MYH10: variants seen among roughly 807,000 people sequenced by gnomAD.
MYH10 encodes myosin heavy chain 10.
A neutral mutation model predicts 257.8 loss-of-function variants in MYH10; 55 were observed. The observed-to-expected ratio is 0.21, with a 90% confidence interval of 0.17 to 0.27. The LOEUF is 0.27. Ranked by LOEUF, MYH10 falls within the 10% of genes least tolerant of loss-of-function variation. The pLI is 1.00. For missense variants in MYH10, 1,631 were observed against 2,500.6 expected (o/e 0.65, Z 7.42); for synonymous variants, 854 against 921.7 (o/e 0.93, Z 1.33).
chr17:8,582,192 G>A (rs1345806651), intron 4 of MYH10, among the ~76,000 whole-genome samples: 1 of 152,114 alleles, frequency 6.6e-6, no homozygotes, highest in East Asian at 1.9e-4. Context: ...AATGAGAAAT[G>A]GCACATCTGT....
At chr17:8,576,312 A>T (rs1035559410) in intron 6 of MYH10, among the ~76,000 whole-genome samples, 2 of 152,194 alleles carry the variant, frequency 1.3e-5, no homozygotes, top group African/African-American at 4.8e-5. Context: ...GCACAAAGCT[A>T]GGTTTCCATG....
In MYH10 at chr17:8,543,218, A is replaced by T. The variant is rs138793491; in HGVS notation, c.1432-938T>A. Among the ~76,000 whole-genome samples, 177 of 152,288 alleles carry T rather than the reference A, an allele frequency of 1.2e-3. 2 individuals are homozygous for T. The East Asian group carries it at 0.032, about 28-fold the overall frequency. On this transcript the variant is annotated intron_variant, in intron 13 of 42. Coordinates refer to ENST00000360416, the MANE Select transcript of MYH10 (RefSeq NM_001256012.3). ...AAGAGGATTTAACCCATCTCCAAGGAGTTGATTTACAGTCTGAAAAAGCCA... is the reference window on the plus strand; with the variant it reads ...AAGAGGATTTAACCCATCTCCAAGGTGTTGATTTACAGTCTGAAAAAGCCA...
chr17:8,580,991 C>G (rs137870937), intron 4 of MYH10, among the ~76,000 whole-genome samples: 47 of 152,264 alleles, frequency 3.1e-4, no homozygotes, highest in African/African-American at 1.1e-3. Context: ...TGAGCAAGAA[C>G]TGGCAAGTGA....
intron 40 of MYH10, 147 bp downstream of exon 40, chr17:8,479,963 C>G: frequency 1.4e-6 from 1 of 722,774 alleles, no homozygotes; most frequent in Non-Finnish European, 2.3e-6. Flanking sequence ...TCTTCTCTCA[C>G]AGCTCACACC....
chr17:8,547,115 G>A (rs148521001), intron 11 of MYH10, among the ~76,000 whole-genome samples: 100 of 152,200 alleles, frequency 6.6e-4, no homozygotes, highest in African/African-American at 2.3e-3. Flanking sequence ...GACAACCGAC[G>A]GGCATAGCAC....
chr17:8,612,854 C>CAAAA (rs540861293), intron 2 of MYH10, among the ~76,000 whole-genome samples: 2 of 113,336 alleles, frequency 1.8e-5, no homozygotes, highest in Non-Finnish European at 3.8e-5. Context: ...TGTTCTGTCT[C>CAAAA]AAAAAAAAAA....
rs142853658 is a variant in MYH10 at position 8,508,152 on chromosome 17, C to T, written c.3214+402G>A. Among the ~76,000 whole-genome samples, 35 of 152,266 alleles carry T rather than the reference C, an allele frequency of 2.3e-4. No individual in the cohort carries two copies. The East Asian group carries it at 6.8e-3, about 29-fold the overall frequency. ...GAGCTCCTGGGCACAAGCAATTCTG[C>T]TGCCTCTGTCACCCCACGATCACAG... On this transcript the variant is annotated intron_variant, in intron 26 of 42. Transcript: ENST00000360416.
intron 4 of MYH10, among the ~76,000 whole-genome samples, chr17:8,582,450 A>T (rs2083743673): frequency 6.6e-6 from 1 of 152,228 alleles, no homozygotes; most frequent in South Asian, 2.1e-4. Flanking sequence ...TGCTGGTCTA[A>T]GACAGGACTA....
At chr17:8,476,408 C>G (rs1912616599) in intron 42 of MYH10, among the ~76,000 whole-genome samples, 1 of 152,206 alleles carries the variant, frequency 6.6e-6, no homozygotes, top group African/African-American at 2.4e-5. Flanking sequence ...GCCAGATGTG[C>G]TGAAACCTCC....
chr17:8,506,235 T>C lies in MYH10; in HGVS notation c.3386+83A>G, dbSNP rs2081070458. 1 of 1,407,790 alleles carries C rather than the reference T, an allele frequency of 7.1e-7. No homozygotes were observed. Among genetic ancestry groups the C allele is most frequent in the Admixed American group, 2.7e-5 (1 of 37,170 alleles). 87.2% of individuals were successfully genotyped at this position (1,407,790 alleles called of 1,614,324 possible). On this transcript the variant is annotated intron_variant, in intron 27 of 42. Transcript: ENST00000360416. The surrounding 1 kb of genome is among the most constrained non-coding windows in gnomAD (Gnocchi z 5.0). The stretch of plus-strand genomic sequence containing the variant: ...AAACCCCATCTCACTCTCCCAGGGT[T>C]TTTGAATGCTCCCGAACATAACAAA...
At chr17:8,518,028 G>A (rs966526136) in intron 21 of MYH10, among the ~76,000 whole-genome samples, 1 of 48,708 alleles carries the variant, frequency 2.1e-5, no homozygotes, top group Admixed American at 2.8e-4. Flanking sequence ...TTGGCCCCGT[G>A]TGTGTGTGTG....
rs2084742509 is a variant in MYH10 at position 8,604,951 on chromosome 17, T to G, written c.377A>C (p.Asn126Thr). ...TYSGLFCVVI[N>T]PYKNLPIYSE... ...GTAAATTGGAAGATTCTTGTAAGGG[T>G]TTATAACTACACAGAAGAGTCCAGA... The change falls in exon 3 of 43, where the codon AAC becomes ACC. Residue 126 changes from asparagine (N) to threonine (T), a missense_variant. By Grantham distance (65) the Asn-to-Thr change is moderately conservative. Around this residue, in one of 11 missense-constraint regions of MYH10, gnomAD observed 360 missense variants for 581.9 expected, o/e 0.62. Coordinates refer to ENST00000360416, the MANE Select transcript of MYH10 (RefSeq NM_001256012.3). 6.4e-7 allele frequency: 1 copy of G among 1,560,546 alleles called. No individual in the cohort carries two copies. Among genetic ancestry groups the G allele is most frequent in the African/African-American group, 1.4e-5 (1 of 73,562 alleles).
At chr17:8,561,072 C>G (rs1485074525) in intron 7 of MYH10, 1 of 590,386 alleles carries the variant, frequency 1.7e-6, no homozygotes, top group Non-Finnish European at 3.0e-6. Context: ...TTTGTGGTCT[C>G]ACTGCAGTTC....
chr17:8,589,069 A>C lies in MYH10; in HGVS notation c.530+12T>G. 11 of 1,613,252 alleles carry C rather than the reference A, an allele frequency of 6.8e-6. No homozygotes were observed. Among genetic ancestry groups the C allele is most frequent in the Non-Finnish European group, 9.3e-6 (11 of 1,179,494 alleles). On this transcript the variant is annotated intron_variant, in intron 4 of 42. Coordinates refer to ENST00000360416, the MANE Select transcript of MYH10 (RefSeq NM_001256012.3). ...AATCAAAAACAAATCTGAACATTCA[A>C]CATTTACTTACGTGCAAAGAATTGA... is the stretch of plus-strand genomic sequence containing the variant.
At chr17:8,622,854 T>C in intron 2 of MYH10, 48 bp downstream of exon 2, 3 of 1,579,164 alleles carry the variant, frequency 1.9e-6, no homozygotes, top group Non-Finnish European at 1.7e-6. Context: ...ATAATTTACA[T>C]TAATTCCTAG....
At chr17:8,508,785 G>GA in intron 25 of MYH10, 108 bp from the exon 26 acceptor site, 1 of 1,314,996 alleles carries the variant, frequency 7.6e-7, no homozygotes, top group Non-Finnish European at 1.1e-6. Context: ...AAGTTCTATC[G>GA]GCACTGCCTC....
chr17:8,579,547 T>C (rs2152025980), intron 4 of MYH10, among the ~76,000 whole-genome samples: 1 of 152,308 alleles, frequency 6.6e-6, no homozygotes, highest in East Asian at 1.9e-4. Flanking sequence ...CAATTCTAGA[T>C]ATAACCCACT....
Position 8,506,570 on chromosome 17 carries a change from G to T in MYH10, c.3215-81C>A. On this transcript the variant is annotated intron_variant, in intron 26 of 42. Coordinates refer to ENST00000360416, the MANE Select transcript of MYH10 (RefSeq NM_001256012.3). The surrounding 1 kb of genome is among the most constrained non-coding windows in gnomAD (Gnocchi z 5.0). ...TAAACTAAAATACAGACTGATCCAA[G>T]TTGAAAATAAGCCATTTTATTCAAA... is the stretch of plus-strand genomic sequence containing the variant. 1 of 1,449,294 alleles carries T rather than the reference G, an allele frequency of 6.9e-7. No individual in the cohort carries two copies. Among genetic ancestry groups the T allele is most frequent in the Non-Finnish European group, 9.4e-7 (1 of 1,064,182 alleles). The allele number at this position is 1,449,294 out of a possible 1,614,324, so 89.8% of individuals were successfully genotyped here.
At chr17:8,482,998 T>C (rs1914110276) in intron 37 of MYH10, among the ~76,000 whole-genome samples, 1 of 152,256 alleles carries the variant, frequency 6.6e-6, no homozygotes, top group African/African-American at 2.4e-5. Context: ...TAACGTGTTC[T>C]AGGTCCCAGA....
Sources: gnomAD v4.1 joint callset for allele counts (sites outside exome capture counted in the v4.1 genomes callset) on GRCh38, gnomAD v4.1.1 for gene constraint, gnomAD v4.1.1 regional missense constraint, Gnocchi (gnomAD v3.1) non-coding constraint, MANE v1.5 for transcripts, NCBI Gene and HGNC (gene_info 2026-07-23, HGNC 2026-07-21) for gene names.